The following TAFA1 variants were observed in gnomAD, a reference collection of about 807,000 sequenced individuals.
TAFA1 encodes the protein TAFA chemokine like family member 1, also known as chemokine-like protein TAFA-1.
In TAFA1, 4 loss-of-function variants were observed where a neutral mutation model predicts 18.5. That is an observed-to-expected ratio of 0.22 (90% CI 0.11 to 0.49). The LOEUF (loss-of-function observed/expected upper bound fraction) is 0.49. Ranked by LOEUF, TAFA1 falls within the 20% of genes least tolerant of loss-of-function variation. TAFA1 has a pLI of 0.98. For missense variants in TAFA1, 147 were observed against 169.0 expected (o/e 0.87, Z 0.72); for synonymous variants, 56 against 55.2 (o/e 1.01, Z -0.06).
At chr3:68,309,994 C>G (rs777642164) in intron 2 of TAFA1, among the ~76,000 whole-genome samples, 2 of 152,032 alleles carry the variant, frequency 1.3e-5, no homozygotes, top group Non-Finnish European at 2.9e-5. Flanking sequence ...AACCCTTTCT[C>G]GAGGAAATTT....
intron 2 of TAFA1, among the ~76,000 whole-genome samples, chr3:68,105,432 T>C (rs1354580879): frequency 6.6e-6 from 1 of 152,180 alleles, no homozygotes. Context: ...ATTTTATTGT[T>C]ACCAGAATTT....
chr3:68,139,205 AC>A (rs2065641759), intron 2 of TAFA1, among the ~76,000 whole-genome samples: 1 of 152,194 alleles, frequency 6.6e-6, no homozygotes, highest in Non-Finnish European at 1.5e-5. Context: ...TCTCTTGCAA[AC>A]ATTGACATAC....
intron 2 of TAFA1, among the ~76,000 whole-genome samples, chr3:68,363,819 A>G (rs2069517728): frequency 6.6e-6 from 1 of 152,094 alleles, no homozygotes; most frequent in African/African-American, 2.4e-5. Context: ...TTTTTTCTTT[A>G]TGAGTACGCA....
chr3:68,512,334 T>G (rs772592907), intron 3 of TAFA1, among the ~76,000 whole-genome samples: 8 of 152,174 alleles, frequency 5.3e-5, no homozygotes, highest in African/African-American at 1.9e-4. Flanking sequence ...TAGAAACTAT[T>G]TTTTCAACAC....
chr3:68,491,077 G>A (rs1054880687), intron 3 of TAFA1, among the ~76,000 whole-genome samples: 3 of 152,020 alleles, frequency 2.0e-5, no homozygotes, highest in Non-Finnish European at 4.4e-5. Flanking sequence ...AGGCTCAAGC[G>A]ATCCTCCTGC....
At chr3:68,138,392 G>A (rs2065632279) in intron 2 of TAFA1, among the ~76,000 whole-genome samples, 1 of 152,190 alleles carries the variant, frequency 6.6e-6, no homozygotes, top group Non-Finnish European at 1.5e-5. Context: ...AGAGCTCTAG[G>A]AAAGTAACAT....
chr3:68,412,549 C>G (rs1488726359), intron 2 of TAFA1, among the ~76,000 whole-genome samples: 3 of 152,028 alleles, frequency 2.0e-5, no homozygotes, highest in East Asian at 1.9e-4. Flanking sequence ...ACAACAGGCC[C>G]CAGTGTGTGA....
intron 3 of TAFA1, among the ~76,000 whole-genome samples, chr3:68,534,124 A>G (rs182381855): frequency 7.7e-4 from 117 of 152,274 alleles, no homozygotes; most frequent in Middle Eastern, 6.8e-3. Context: ...TTGCATCTGT[A>G]GAGGAAAAAA....
At position 68,137,526 on chromosome 3, in the gene TAFA1, G is replaced by A. The variant is rs2065622798; in HGVS notation, c.118+130782G>A. ...GTTCTAGAAACTTGATAGGTTCCTG[G>A]AGTACAGAAAACACAAATGAAACTA... is the stretch of plus-strand genomic sequence containing the variant. On this transcript the variant is annotated intron_variant, in intron 2 of 4. Transcript: ENST00000478136. Among the ~76,000 whole-genome samples, 6 of 152,314 alleles carry A rather than the reference G, an allele frequency of 3.9e-5. No homozygotes were observed. The South Asian group carries it at 1.2e-3, about 32-fold the overall frequency.
chr3:68,480,102 C>A (rs998624832), intron 3 of TAFA1, among the ~76,000 whole-genome samples: 1 of 151,902 alleles, frequency 6.6e-6, no homozygotes, highest in Non-Finnish European at 1.5e-5. Context: ...AATATAAATT[C>A]TTGGGGTTGG....
intron 2 of TAFA1, among the ~76,000 whole-genome samples, chr3:68,284,010 T>C (rs2067950324): frequency 6.6e-6 from 1 of 152,228 alleles, no homozygotes; most frequent in Non-Finnish European, 1.5e-5. Context: ...CTGTTGCTCC[T>C]TATGATGTTA....
At chr3:68,361,941 T>C (rs918977874) in intron 2 of TAFA1, among the ~76,000 whole-genome samples, 1 of 152,122 alleles carries the variant, frequency 6.6e-6, no homozygotes, top group Non-Finnish European at 1.5e-5. Flanking sequence ...ATCTTTTTAC[T>C]AACATGGTGT....
chr3:68,127,300 A>T (rs2065475494), intron 2 of TAFA1, among the ~76,000 whole-genome samples: 2 of 152,170 alleles, frequency 1.3e-5, no homozygotes, highest in South Asian at 2.1e-4. Context: ...TGTGAGAGAG[A>T]GAAAATGGAC....
At chr3:68,087,828 C>T (rs559572823) in intron 2 of TAFA1, among the ~76,000 whole-genome samples, 12 of 152,038 alleles carry the variant, frequency 7.9e-5, no homozygotes, top group Admixed American at 3.9e-4. Context: ...ATTATATATA[C>T]GATCTCTTAC....
intron 2 of TAFA1, among the ~76,000 whole-genome samples, chr3:68,065,662 T>C (rs1439336340): frequency 3.3e-5 from 5 of 151,958 alleles, no homozygotes; most frequent in Non-Finnish European, 7.4e-5. Flanking sequence ...TATATGTGTG[T>C]ATATATACAT....
At chr3:68,365,003 T>A (rs961160854) in intron 2 of TAFA1, among the ~76,000 whole-genome samples, 2 of 152,194 alleles carry the variant, frequency 1.3e-5, no homozygotes, top group Non-Finnish European at 2.9e-5. Flanking sequence ...GGCTTGTCTG[T>A]AAGGGACCTT....
At chr3:68,009,175 A>G (rs1704422802) in intron 2 of TAFA1, among the ~76,000 whole-genome samples, 2 of 152,180 alleles carry the variant, frequency 1.3e-5, no homozygotes, top group South Asian at 4.1e-4. Context: ...GCTAGAATAT[A>G]CTACCAATGC....
intron 2 of TAFA1, among the ~76,000 whole-genome samples, chr3:68,100,024 A>G (rs6548983): frequency 0.91 from 137,830 of 152,110 alleles, 62,642 homozygotes; most frequent in South Asian, 0.95. Context: ...GAGGGACAAG[A>G]GCTGAAAATC....
At chr3:68,498,752 T>TTTTTTG (rs2072601072) in intron 3 of TAFA1, among the ~76,000 whole-genome samples, 1 of 93,784 alleles carries the variant, frequency 1.1e-5, no homozygotes, top group African/African-American at 4.1e-5. Context: ...TTTTTTTTTT[T>TTTTTTG]TTTTTGAGAG....
Sources: allele counts gnomAD v4.1 joint callset (sites outside exome capture counted in the v4.1 genomes callset), GRCh38; gene constraint gnomAD v4.1.1; transcripts MANE v1.5; gene names NCBI Gene and HGNC (gene_info 2026-07-23, HGNC 2026-07-21).